The following BTG4 variants were observed in gnomAD, a reference collection of about 807,000 sequenced individuals.
BTG4 encodes protein BTG4.
In BTG4, 10 loss-of-function variants were observed where a neutral mutation model predicts 19.3. The observed-to-expected ratio is 0.52, with a 90% CI of 0.32 to 0.88. The LOEUF is 0.88. BTG4 is among the 40% of genes least tolerant of loss of function. The pLI is 0.04. For missense variants in BTG4, 238 were observed against 281.9 expected, an observed-to-expected ratio of 0.84 and a Z score of 1.11; for synonymous variants, 91 against 95.7, an observed-to-expected ratio of 0.95 and a Z score of 0.29.
chr11:111,413,467 G>C, the BTG4 span, among the ~76,000 whole-genome samples: 1 of 152,248 alleles, frequency 6.6e-6, no homozygotes, highest in Non-Finnish European at 1.5e-5. Flanking sequence ...CCAGTGCTGT[G>C]ATAGGTGCCC....
the BTG4 span, among the ~76,000 whole-genome samples, chr11:111,400,659 T>C: frequency 6.6e-6 from 1 of 152,180 alleles, no homozygotes; most frequent in African/African-American, 2.4e-5. Flanking sequence ...CCCACTCCCA[T>C]GTGAGCTGGT....
the BTG4 span, among the ~76,000 whole-genome samples, chr11:111,431,381 A>G: frequency 6.6e-6 from 1 of 152,226 alleles, no homozygotes; most frequent in African/African-American, 2.4e-5. Flanking sequence ...AGGCACTGCC[A>G]TTATTACCGC....
At chr11:111,453,312 C>T in the BTG4 span, 6 of 357,012 alleles carry the variant, frequency 1.7e-5, no homozygotes, top group South Asian at 4.4e-5. Context: ...TCCCTAACCA[C>T]GGTGAAGTGC....
downstream of BTG4, among the ~76,000 whole-genome samples, chr11:111,494,140 G>A (rs751369582): frequency 2.6e-5 from 4 of 152,100 alleles, no homozygotes; most frequent in Non-Finnish European, 5.9e-5. Context: ...AAATGGAGAT[G>A]AGAGAGGAGA....
the BTG4 span, among the ~76,000 whole-genome samples, chr11:111,440,400 C>T: frequency 2.0e-5 from 3 of 152,218 alleles, no homozygotes; most frequent in African/African-American, 7.2e-5. Flanking sequence ...GCCACCAGCC[C>T]CTGTAACTAG....
the BTG4 span, chr11:111,416,322 C>G: frequency 3.9e-5 from 6 of 152,134 alleles, no homozygotes; most frequent in Non-Finnish European, 7.3e-5. Context: ...CTTTCTCTCT[C>G]TCTCCCTCTC....
chr11:111,462,692 A>G (rs1863470654), downstream of BTG4: 1 of 152,392 alleles, frequency 6.6e-6, no homozygotes, highest in African/African-American at 2.4e-5. Context: ...AGGAGTGGGA[A>G]CAGGAGGCAC....
the BTG4 span, among the ~76,000 whole-genome samples, chr11:111,439,647 C>T: frequency 6.6e-6 from 1 of 152,116 alleles, no homozygotes; most frequent in South Asian, 2.1e-4. Context: ...CCCAGACTCA[C>T]ACCCCCTCTC....
chr11:111,455,632 G>C, the BTG4 span: 1 of 320,820 alleles, frequency 3.1e-6, no homozygotes, highest in Non-Finnish European at 6.6e-6. Flanking sequence ...TGTGGATCTG[G>C]CCAACCTGGA....
chr11:111,509,846 T>C (rs1866735451), intron 1 of BTG4, among the ~76,000 whole-genome samples: 1 of 151,680 alleles, frequency 6.6e-6, no homozygotes, highest in Non-Finnish European at 1.5e-5. Context: ...TGAGTTTGTA[T>C]GTATTGAAGG....
At chr11:111,482,966 C>T (rs565731600) in intron 5 of BTG4, among the ~76,000 whole-genome samples, 34 of 152,146 alleles carry the variant, frequency 2.2e-4, no homozygotes, top group African/African-American at 7.0e-4. Context: ...CTGTGAAAGA[C>T]GTCATTAAGA....
At chr11:111,415,215 G>T in the BTG4 span, among the ~76,000 whole-genome samples, 1 of 151,864 alleles carries the variant, frequency 6.6e-6, no homozygotes, top group Non-Finnish European at 1.5e-5. Context: ...TTGGCTTACT[G>T]TTACCAGTGA....
chr11:111,415,411 G>A, the BTG4 span, among the ~76,000 whole-genome samples: 37 of 152,282 alleles, frequency 2.4e-4, no homozygotes, highest in African/African-American at 8.7e-4. Flanking sequence ...AAAAGATAGG[G>A]CTTGCAAAGA....
chr11:111,442,893 C>A, the BTG4 span, among the ~76,000 whole-genome samples: 3 of 152,142 alleles, frequency 2.0e-5, no homozygotes, highest in African/African-American at 7.2e-5. Flanking sequence ...TAATTCCACC[C>A]TCGGGGAGGG....
chr11:111,494,837 T>C lies in BTG4; in HGVS notation c.*298A>G, dbSNP rs1448250787. On this transcript the variant is annotated 3_prime_UTR_variant, in exon 5 of 5. Coordinates refer to ENST00000692032, the MANE Select transcript of BTG4 (RefSeq NM_001367975.1). ...AAGTATTAAAAACACTGTACGTTTA[T>C]TTAAACCATTACTTTTCATAATTCA... 2.6e-5 allele frequency: 25 copies of C among 956,196 alleles called. No individual in the cohort carries two copies. The highest frequency in any genetic ancestry group is 2.7e-5 in the Non-Finnish European group (22 of 803,404). 59.2% of individuals were successfully genotyped at this position (956,196 alleles called of 1,614,324 possible). A position where few individuals can be genotyped will look rare whatever the true frequency, so the allele number is the denominator to read the frequency against.
At chr11:111,403,706 G>A in the BTG4 span, among the ~76,000 whole-genome samples, 2 of 152,278 alleles carry the variant, frequency 1.3e-5, no homozygotes, top group East Asian at 1.9e-4. Flanking sequence ...GCATTTATCA[G>A]ATTAACCAAC....
the BTG4 span, among the ~76,000 whole-genome samples, chr11:111,409,251 G>T: frequency 1.3e-5 from 2 of 152,166 alleles, no homozygotes; most frequent in African/African-American, 2.4e-5. Flanking sequence ...CTGTGGTTTA[G>T]ATATAATTTG....
chr11:111,449,168 G>A, the BTG4 span, among the ~76,000 whole-genome samples: 2 of 151,934 alleles, frequency 1.3e-5, no homozygotes, highest in Non-Finnish European at 2.9e-5. Context: ...GTCTCCCCCT[G>A]ACTCCTCCCC....
intron 5 of BTG4, among the ~76,000 whole-genome samples, chr11:111,471,693 T>C (rs903731219): frequency 6.6e-6 from 1 of 152,170 alleles, no homozygotes; most frequent in African/African-American, 2.4e-5. Context: ...ATCTCATCTA[T>C]ATGTCAATGA....
Sources: allele counts gnomAD v4.1 joint callset (sites outside exome capture counted in the v4.1 genomes callset), GRCh38; gene constraint gnomAD v4.1.1; transcripts MANE v1.5; gene names NCBI Gene and HGNC (gene_info 2026-07-23, HGNC 2026-07-21).